Variants in SEC14L1 observed in about 807,000 individuals in gnomAD.
The protein encoded by SEC14L1 is SEC14-like protein 1.
Under a neutral mutation model 85.3 loss-of-function variants are expected in SEC14L1, and 48 were observed. That is an observed-to-expected ratio of 0.56 (90% CI 0.45 to 0.72). The LOEUF is 0.72. SEC14L1 is among the 30% of genes least tolerant of loss of function. The probability of loss-of-function intolerance (pLI) is 0.00; values close to 1 mark genes in which losing one functional copy is unlikely to be tolerated. For synonymous variants in SEC14L1, 391 were observed against 355.5 expected (o/e 1.10, Z -1.12); for missense variants, 682 against 921.4 (o/e 0.74, Z 3.36).
At chr17:77,145,797 C>T (rs2041371757) in intron 3 of SEC14L1, among the ~76,000 whole-genome samples, 1 of 152,158 alleles carries the variant, frequency 6.6e-6, no homozygotes, top group South Asian at 2.1e-4. Context: ...CTGGGGGCCT[C>T]AGCCACAGTT....
At chr17:77,111,552 C>T (rs1467369116) in intron 3 of SEC14L1, among the ~76,000 whole-genome samples, 1 of 152,084 alleles carries the variant, frequency 6.6e-6, no homozygotes, top group Non-Finnish European at 1.5e-5. Context: ...CTGCCCAAGG[C>T]CATGGGAGCC....
chr17:77,128,706 G>A (rs1009623174), intron 3 of SEC14L1, among the ~76,000 whole-genome samples: 5 of 151,582 alleles, frequency 3.3e-5, no homozygotes, highest in Admixed American at 6.6e-5. Context: ...CACCTGCCTC[G>A]GCCTCCCAAA....
At chr17:77,135,728 T>G (rs1240034820) in intron 3 of SEC14L1, among the ~76,000 whole-genome samples, 1 of 151,888 alleles carries the variant, frequency 6.6e-6, no homozygotes, top group African/African-American at 2.4e-5. Flanking sequence ...TTTGTAGAGA[T>G]AGGGGTCTTG....
intron 3 of SEC14L1, among the ~76,000 whole-genome samples, chr17:77,131,791 G>A (rs1407998586): frequency 1.3e-5 from 2 of 152,170 alleles, no homozygotes; most frequent in Non-Finnish European, 2.9e-5. Flanking sequence ...TGTACTTTTT[G>A]CACAAGGGAG....
At chr17:77,191,467 CAGG>C (rs1011348698) in intron 5 of SEC14L1, among the ~76,000 whole-genome samples, 155 bp downstream of exon 5, 13 of 152,110 alleles carry the variant, frequency 8.5e-5, no homozygotes, top group African/African-American at 2.9e-4. Flanking sequence ...GGAAGGGTAG[CAGG>C]TGTGGTCTCC....
chr17:77,179,462 C>CT (rs1974910838), intron 3 of SEC14L1, among the ~76,000 whole-genome samples: 1 of 152,120 alleles, frequency 6.6e-6, no homozygotes, highest in African/African-American at 2.4e-5. Flanking sequence ...GAAACCCAAC[C>CT]TTTTTTGTTG....
chr17:77,168,891 T>A (rs769990166), intron 3 of SEC14L1, among the ~76,000 whole-genome samples: 8 of 152,148 alleles, frequency 5.3e-5, no homozygotes, highest in Non-Finnish European at 1.2e-4. Flanking sequence ...ACAGTGCAGA[T>A]TTGAATCTGA....
intron 3 of SEC14L1, among the ~76,000 whole-genome samples, chr17:77,104,850 C>T (rs191564523): frequency 5.3e-5 from 8 of 150,638 alleles, no homozygotes; most frequent in Admixed American, 1.3e-4. Context: ...GTTGAGGACA[C>T]GTACCTGTGA....
chr17:77,168,378 G>A (rs768798379), intron 3 of SEC14L1, among the ~76,000 whole-genome samples: 1 of 152,170 alleles, frequency 6.6e-6, no homozygotes, highest in Non-Finnish European at 1.5e-5. Context: ...TTTGAGTATA[G>A]AGGAGGAGAG....
At position 77,191,324 on chromosome 17, in the gene SEC14L1, G is replaced by A; in HGVS notation, c.345+12G>A. ...ATTGCTGCTACACCGTGAGTAATCT[G>A]TCACTCGGCGGAAGATGTTCTGCCG... On this transcript the variant is annotated intron_variant, in intron 5 of 16. Coordinates refer to ENST00000436233, the MANE Select transcript of SEC14L1 (RefSeq NM_001143998.2). The A allele has an allele frequency of 6.2e-7, 1 of 1,613,872 alleles. No individual in the cohort carries two copies. The highest frequency in any genetic ancestry group is 8.5e-7 in the Non-Finnish European group (1 of 1,179,828).
In SEC14L1 at chr17:77,215,686, A is replaced by G. The variant is rs1977002062; in HGVS notation, c.*1663A>G. ...CTTAGAGATCGAGCTCCTCAGTGGTACCTGAAGCCTTTGCTTCCGGAAAGC... is the reference window on the plus strand; with the variant it reads ...CTTAGAGATCGAGCTCCTCAGTGGTGCCTGAAGCCTTTGCTTCCGGAAAGC... On this transcript the variant is annotated 3_prime_UTR_variant, in exon 17 of 17. Transcript: ENST00000436233. 2 of 994,756 alleles carry G rather than the reference A, an allele frequency of 2.0e-6. No individual in the cohort carries two copies. 61.6% of individuals were successfully genotyped at this position (994,756 alleles called of 1,614,324 possible).
intron 3 of SEC14L1, among the ~76,000 whole-genome samples, chr17:77,189,668 G>A (rs1054647773): frequency 1.3e-5 from 2 of 152,090 alleles, no homozygotes; most frequent in Non-Finnish European, 2.9e-5. Context: ...TCACTCTGTC[G>A]CCCAGGCTGG....
rs533532894 is a variant in SEC14L1 at position 77,190,971 on chromosome 17, G to A, written c.213+19G>A. ...GAAGAAGGTAAAGGTCGGAAAGGAC[G>A]TCTTGGAGGGAAAGGGCGTCCTGGT... On this transcript the variant is annotated intron_variant, in intron 4 of 16. Transcript: ENST00000436233. The A allele has an allele frequency of 7.4e-6, 12 of 1,612,488 alleles. No individual in the cohort carries two copies. Among genetic ancestry groups the A allele is most frequent in the East Asian group, 2.2e-5 (1 of 44,850 alleles).
In SEC14L1 at chr17:77,215,431, A is replaced by G; in HGVS notation, c.*1408A>G. On this transcript the variant is annotated 3_prime_UTR_variant, in exon 17 of 17. Coordinates refer to ENST00000436233, the MANE Select transcript of SEC14L1 (RefSeq NM_001143998.2). ...TCAACTGTGTGCGTGGTAGGCATGGAGATCCTGGTTGTGCCGTCTCAGCTC... is the reference window on the plus strand; with the variant it reads ...TCAACTGTGTGCGTGGTAGGCATGGGGATCCTGGTTGTGCCGTCTCAGCTC... The G allele has an allele frequency of 1.0e-6, 1 of 985,440 alleles. No individual in the cohort carries two copies. The highest frequency in any genetic ancestry group is 1.2e-6 in the Non-Finnish European group (1 of 829,992). The allele number at this position is 985,440 out of a possible 1,614,324, so 61.0% of individuals were successfully genotyped here. A position where few individuals can be genotyped will look rare whatever the true frequency, so the allele number is the denominator to read the frequency against.
chr17:77,180,083 G>A (rs1029301807), intron 3 of SEC14L1, among the ~76,000 whole-genome samples: 2 of 141,684 alleles, frequency 1.4e-5, no homozygotes, highest in African/African-American at 5.1e-5. Flanking sequence ...GTTATGTTAT[G>A]TTATGTTATG....
intron 3 of SEC14L1, among the ~76,000 whole-genome samples, chr17:77,188,986 C>CT (rs1975397730): frequency 6.6e-6 from 1 of 150,568 alleles, no homozygotes; most frequent in Non-Finnish European, 1.5e-5. Flanking sequence ...TTTTAAAACT[C>CT]TTGAGTTGTT....
At position 77,112,932 on chromosome 17, in the gene SEC14L1, G is replaced by C. The variant is rs942249384; in HGVS notation, c.-136+19585G>C. 5.3e-5 allele frequency among the ~76,000 whole-genome samples: 8 copies of C among 152,038 alleles called. No individual in the cohort carries two copies. The East Asian group carries it at 5.8e-4, about 11-fold the overall frequency. On this transcript the variant is annotated intron_variant, in intron 3 of 19. Transcript: ENST00000392476. ...TGTACTTCTAGCACTTTGGGAGGCCGAGGTGGAAGGATCACTTAAGACCAG... is the reference window on the plus strand; with the variant it reads ...TGTACTTCTAGCACTTTGGGAGGCCCAGGTGGAAGGATCACTTAAGACCAG...
chr17:77,164,188 C>G (rs1234606094), intron 3 of SEC14L1, among the ~76,000 whole-genome samples: 1 of 152,226 alleles, frequency 6.6e-6, no homozygotes, highest in Non-Finnish European at 1.5e-5. Context: ...TGTGGGCTGA[C>G]CCGGTACCGT....
chr17:77,136,763 C>A (rs949279962), upstream of SEC14L1, among the ~76,000 whole-genome samples: 1 of 152,158 alleles, frequency 6.6e-6, no homozygotes, highest in Non-Finnish European at 1.5e-5. Context: ...GGAAGACACA[C>A]TGTGGTAATG....
Sources: allele counts gnomAD v4.1 joint callset (sites outside exome capture counted in the v4.1 genomes callset), GRCh38; gene constraint gnomAD v4.1.1; transcripts MANE v1.5; gene names NCBI Gene and HGNC (gene_info 2026-07-23, HGNC 2026-07-21).